The following ITFG1 variants were observed in gnomAD, a reference collection of about 807,000 sequenced individuals.
ITFG1 encodes T-cell immunomodulatory protein.
A neutral mutation model predicts 81.8 loss-of-function variants in ITFG1; 34 were observed. That is an observed-to-expected ratio of 0.42 (90% CI 0.32 to 0.55). ITFG1 has a LOEUF of 0.55. Among genes scored for constraint, ITFG1 ranks in the 20% least tolerant of loss-of-function variants. ITFG1 has a pLI of 0.17. For synonymous variants in ITFG1, 285 were observed against 270.6 expected, an observed-to-expected ratio of 1.05 and a Z score of -0.52; for missense variants, 672 against 755.4, an observed-to-expected ratio of 0.89 and a Z score of 1.29.
chr16:47,441,270 T>C (rs1317602712), intron 5 of ITFG1, among the ~76,000 whole-genome samples: 1 of 152,172 alleles, frequency 6.6e-6, no homozygotes, highest in African/African-American at 2.4e-5. Context: ...GCTGGTAACA[T>C]TCCTTCTGAA....
At chr16:47,207,692 C>T (rs1965518059) in intron 14 of ITFG1, among the ~76,000 whole-genome samples, 1 of 152,158 alleles carries the variant, frequency 6.6e-6, no homozygotes, top group Non-Finnish European at 1.5e-5. Flanking sequence ...TAGATGCCGT[C>T]AGAGAGAGAA....
chr16:47,340,941 A>G (rs945443779), intron 8 of ITFG1, among the ~76,000 whole-genome samples: 6 of 152,250 alleles, frequency 3.9e-5, no homozygotes, highest in East Asian at 3.8e-4. Flanking sequence ...AGATATAACA[A>G]CTGTAATCAT....
chr16:47,187,993 C>A (rs1325330153), intron 14 of ITFG1, among the ~76,000 whole-genome samples: 2 of 151,906 alleles, frequency 1.3e-5, no homozygotes, highest in African/African-American at 2.4e-5. Flanking sequence ...ATTTATGCAG[C>A]CAAAAAACAC....
chr16:47,383,747 AC>A (rs1378440651), intron 6 of ITFG1, among the ~76,000 whole-genome samples: 1 of 152,204 alleles, frequency 6.6e-6, no homozygotes, highest in African/African-American at 2.4e-5. Flanking sequence ...TCTACTAAAT[AC>A]AAAAAATTAG....
chr16:47,295,088 C>G (rs1397297688), intron 10 of ITFG1, among the ~76,000 whole-genome samples: 1 of 152,076 alleles, frequency 6.6e-6, no homozygotes, highest in African/African-American at 2.4e-5. Context: ...TCATCAAATG[C>G]TTTTTCTGCA....
chr16:47,198,325 T>C (rs1234219293), intron 14 of ITFG1, among the ~76,000 whole-genome samples: 1 of 152,206 alleles, frequency 6.6e-6, no homozygotes, highest in Non-Finnish European at 1.5e-5. Flanking sequence ...AAAATTATAA[T>C]GGAACTGAAA....
intron 14 of ITFG1, chr16:47,196,261 G>C (rs1275649226): frequency 1.3e-5 from 2 of 150,556 alleles, no homozygotes; most frequent in African/African-American, 4.9e-5. Flanking sequence ...CCGAACCTGT[G>C]GTTTGGTGTG....
intron 10 of ITFG1, among the ~76,000 whole-genome samples, chr16:47,288,188 GAA>G (rs1966877599): frequency 1.3e-5 from 2 of 152,230 alleles, no homozygotes; most frequent in South Asian, 4.2e-4. Context: ...ACATGAATGA[GAA>G]TGTGGTTATT....
intron 8 of ITFG1, among the ~76,000 whole-genome samples, chr16:47,323,214 T>G (rs942752496): frequency 2.6e-5 from 4 of 152,186 alleles, no homozygotes; most frequent in Non-Finnish European, 5.9e-5. Flanking sequence ...CCCACATGAA[T>G]AGATTAACTC....
chr16:47,204,976 C>A (rs998509997), intron 14 of ITFG1, among the ~76,000 whole-genome samples: 5 of 152,198 alleles, frequency 3.3e-5, no homozygotes, highest in Non-Finnish European at 5.9e-5. Context: ...GTCCCAGGAC[C>A]ATCAGATGTA....
At chr16:47,304,183 A>T (rs1223042743) in intron 10 of ITFG1, among the ~76,000 whole-genome samples, 4 of 152,194 alleles carry the variant, frequency 2.6e-5, no homozygotes, top group Non-Finnish European at 5.9e-5. Flanking sequence ...GTAGGAGGTT[A>T]CCTAGCTGTC....
chr16:47,265,943 G>A (rs1020960656), intron 10 of ITFG1, among the ~76,000 whole-genome samples: 1 of 152,038 alleles, frequency 6.6e-6, no homozygotes, highest in Admixed American at 6.6e-5. Context: ...CCACAAAATG[G>A]GAGAACATGT....
intron 1 of ITFG1, 123 bp from the exon 2 acceptor site, chr16:47,459,298 C>T: frequency 1.5e-6 from 1 of 656,948 alleles, no homozygotes; most frequent in Non-Finnish European, 2.7e-6. Context: ...TCCAGTTCAT[C>T]TGCCCTCTCA....
intron 16 of ITFG1, among the ~76,000 whole-genome samples, chr16:47,160,083 T>A (rs1964777342): frequency 1.3e-5 from 2 of 151,932 alleles, no homozygotes; most frequent in South Asian, 4.1e-4. Flanking sequence ...AAGCTACTCT[T>A]AGTGTTATAC....
At chr16:47,453,904 A>G in intron 3 of ITFG1, 109 bp downstream of exon 3, 1 of 727,564 alleles carries the variant, frequency 1.4e-6, no homozygotes, top group South Asian at 2.1e-5. Flanking sequence ...AGGTTTTACA[A>G]TTATTGACAC....
intron 8 of ITFG1, among the ~76,000 whole-genome samples, chr16:47,336,856 G>C (rs537635477): frequency 1.3e-5 from 2 of 151,912 alleles, no homozygotes; most frequent in Non-Finnish European, 2.9e-5. Context: ...CCAGCTACTC[G>C]GGAGGCTGAG....
At chr16:47,361,793 T>C (rs1170186696) in intron 8 of ITFG1, among the ~76,000 whole-genome samples, 1 of 152,218 alleles carries the variant, frequency 6.6e-6, no homozygotes, top group African/African-American at 2.4e-5. Flanking sequence ...TTTTGCATTA[T>C]ATTTTAGTAT....
intron 14 of ITFG1, among the ~76,000 whole-genome samples, chr16:47,181,044 A>G (rs1965104880): frequency 7.0e-6 from 1 of 142,420 alleles, no homozygotes; most frequent in South Asian, 2.3e-4. Flanking sequence ...CATACCATCT[A>G]GGAAGTCACG....
rs1965096112 is a variant in ITFG1 at position 47,180,592 on chromosome 16, C to A, written c.1454-17928G>T. 3.3e-5 allele frequency among the ~76,000 whole-genome samples: 5 copies of A among 152,276 alleles called. No individual in the cohort carries two copies. In the South Asian group the frequency reaches 1.0e-3, roughly 32 times the overall value. Reference sequence around the variant, plus strand: ...TGGAGATGGGGTTTCGCTGTGTTGGCCAGGCTGGTCTCCAGCTCCTAACCG... The same window carrying A: ...TGGAGATGGGGTTTCGCTGTGTTGGACAGGCTGGTCTCCAGCTCCTAACCG... On this transcript the variant is annotated intron_variant, in intron 14 of 17. Transcript: ENST00000320640.
Sources: gnomAD v4.1 joint callset for allele counts (sites outside exome capture counted in the v4.1 genomes callset) on GRCh38, gnomAD v4.1.1 for gene constraint, MANE v1.5 for transcripts, NCBI Gene and HGNC (gene_info 2026-07-23, HGNC 2026-07-21) for gene names.